The following SMC6 variants were observed in gnomAD, a reference collection of about 807,000 sequenced individuals.
SMC6 encodes the protein structural maintenance of chromosomes protein 6.
SMC6 carries 79 observed loss-of-function variants against 142.2 expected under a neutral mutation model. The observed-to-expected ratio is 0.56, with a 90% CI of 0.46 to 0.67. The LOEUF (loss-of-function observed/expected upper bound fraction) is 0.67, where lower values mean the gene tolerates loss of function less well. SMC6 is among the 30% of genes least tolerant of loss of function. SMC6 has a pLI of 0.00. For missense variants in SMC6, 1,072 were observed against 1,284.0 expected (o/e 0.83, Z 2.52); for synonymous variants, 411 against 412.4 (o/e 1.00, Z 0.04).
chr2:17,680,990 T>A (rs1256968801), intron 24 of SMC6: 1 of 152,240 alleles, frequency 6.6e-6, no homozygotes, highest in African/African-American at 2.4e-5. Context: ...TACAAGGCTG[T>A]TTTGTCTGTG....
At position 17,718,074 on chromosome 2, in the gene SMC6, C is replaced by T. The variant is rs769699136; in HGVS notation, c.1092+3G>A. On this transcript the variant is annotated splice_donor_region_variant and intron_variant, in intron 12 of 27. Transcript: ENST00000448223. Reference sequence around the variant, plus strand: ...AAATTCCAGTTTAGAAAATTTATCTCACCTCAGCTTCATTATAGGCCCTTT... The same window carrying T: ...AAATTCCAGTTTAGAAAATTTATCTTACCTCAGCTTCATTATAGGCCCTTT... 1.3e-6 allele frequency: 2 copies of T among 1,587,910 alleles called. No homozygotes were observed. The highest frequency in any genetic ancestry group is 1.7e-6 in the Non-Finnish European group (2 of 1,168,710).
intron 6 of SMC6, 51 bp downstream of exon 6, chr2:17,731,690 T>C: frequency 6.4e-7 from 1 of 1,557,454 alleles, no homozygotes; most frequent in East Asian, 2.3e-5. Context: ...CTAATTCTTT[T>C]TGAGTATTTC....
intron 19 of SMC6, among the ~76,000 whole-genome samples, chr2:17,702,581 T>C (rs1572291514): frequency 6.6e-6 from 1 of 152,186 alleles, no homozygotes; most frequent in East Asian, 1.9e-4. Flanking sequence ...TTAAATGAAT[T>C]GATATGGTTT....
At chr2:17,721,106 C>T in intron 10 of SMC6, 36 bp downstream of exon 10, 3 of 1,611,380 alleles carry the variant, frequency 1.9e-6, no homozygotes, top group South Asian at 1.1e-5. Flanking sequence ...CTGCATATCA[C>T]ATAGATACGT....
intron 9 of SMC6, 28 bp from the exon 10 acceptor site, chr2:17,721,289 ATTTT>A: frequency 6.5e-7 from 1 of 1,527,430 alleles, no homozygotes; most frequent in Non-Finnish European, 8.8e-7. Context: ...GAACGGACGT[ATTTT>A]TTATTAATGT....
At chr2:17,693,316 G>A (rs1363678256) in intron 23 of SMC6, among the ~76,000 whole-genome samples, 1 of 152,104 alleles carries the variant, frequency 6.6e-6, no homozygotes, top group African/African-American at 2.4e-5. Flanking sequence ...GTCCATCAAT[G>A]ATAGACTGGA....
At chr2:17,709,764 C>A (rs912937008) in intron 16 of SMC6, among the ~76,000 whole-genome samples, 18 of 151,614 alleles carry the variant, frequency 1.2e-4, no homozygotes, top group African/African-American at 4.1e-4. Flanking sequence ...TTTACACACA[C>A]AAAAAAAGAC....
chr2:17,718,514 G>A (rs1669219704), intron 11 of SMC6, among the ~76,000 whole-genome samples: 1 of 152,096 alleles, frequency 6.6e-6, no homozygotes, highest in Admixed American at 6.6e-5. Flanking sequence ...AACACAAACT[G>A]ATGATACATT....
At chr2:17,666,714 G>T (rs1666511658) in intron 26 of SMC6, among the ~76,000 whole-genome samples, 197 bp from the exon 27 acceptor site, 1 of 152,098 alleles carries the variant, frequency 6.6e-6, no homozygotes, top group Non-Finnish European at 1.5e-5. Context: ...TGGGTGCAGT[G>T]GCTCATGTTT....
intron 18 of SMC6, among the ~76,000 whole-genome samples, chr2:17,705,236 C>T (rs1408524881): frequency 1.3e-5 from 2 of 151,012 alleles, no homozygotes; most frequent in South Asian, 2.1e-4. Flanking sequence ...CCAGCCTGAT[C>T]GACAGAGTGA....
In SMC6 at chr2:17,716,896, T is replaced by C; in HGVS notation, c.1191A>G (p.Gln397=). ...RIEELKKSTD[Q]SLEPERLERQ... ...TTTCCAACCGTTCAGGTTCCAAAGA[T>C]TGGTCAGTACTAACAGTAAATAACC... The change falls in exon 14 of 28, where the codon CAA becomes CAG. Residue 397 remains glutamine, a synonymous_variant. Coordinates refer to ENST00000448223, the MANE Select transcript of SMC6 (RefSeq NM_001142286.2). 1.2e-6 allele frequency: 2 copies of C among 1,609,776 alleles called. No homozygotes were observed. The highest frequency in any genetic ancestry group is 1.7e-6 in the Non-Finnish European group (2 of 1,178,874).
intron 23 of SMC6, among the ~76,000 whole-genome samples, chr2:17,685,392 A>C (rs1340384934): frequency 6.6e-6 from 1 of 152,026 alleles, no homozygotes; most frequent in Admixed American, 6.6e-5. Flanking sequence ...GATGCTCATC[A>C]GGAGAAAAAG....
At chr2:17,742,725 C>A (rs567781073) in intron 3 of SMC6, among the ~76,000 whole-genome samples, 2 of 152,238 alleles carry the variant, frequency 1.3e-5, no homozygotes, top group Non-Finnish European at 2.9e-5. Context: ...TCATGGTTGA[C>A]GAATTTTTAA....
chr2:17,709,346 T>C (rs562925825), intron 16 of SMC6, among the ~76,000 whole-genome samples: 4 of 152,184 alleles, frequency 2.6e-5, no homozygotes, highest in African/African-American at 7.2e-5. Context: ...ACAGAGGAAA[T>C]ATGAAAGAAA....
intron 16 of SMC6, among the ~76,000 whole-genome samples, chr2:17,713,213 C>T (rs1277368060): frequency 1.3e-5 from 2 of 152,222 alleles, no homozygotes; most frequent in African/African-American, 4.8e-5. Flanking sequence ...CCTCCACTCA[C>T]ATCTCTAAAG....
chr2:17,672,419 T>A (rs1290260296), intron 25 of SMC6, among the ~76,000 whole-genome samples: 1 of 98 alleles, frequency 0.01, no homozygotes, highest in East Asian at 0.25. Context: ...CTTCTAATAC[T>A]TTTTTTTCTC....
chr2:17,724,255 C>T (rs541727744), intron 9 of SMC6, among the ~76,000 whole-genome samples: 1 of 152,174 alleles, frequency 6.6e-6, no homozygotes, highest in South Asian at 2.1e-4. Flanking sequence ...TAAACACCAC[C>T]ACATAACCCA....
chr2:17,736,005 A>G lies in SMC6; in HGVS notation c.344+2216T>C, dbSNP rs567134885. ...TCTTCAGGCAAAGTGAGACTCCTTC[A>G]TAGACTTTAGATGTGCAATAGAGTA... On this transcript the variant is annotated intron_variant, in intron 5 of 27. Transcript: ENST00000448223. Among the ~76,000 whole-genome samples, 3 of 152,360 alleles carry G rather than the reference A, an allele frequency of 2.0e-5. No homozygotes were observed. In the East Asian group the frequency reaches 5.8e-4, roughly 29 times the overall value.
Position 17,700,279 on chromosome 2 carries a change from C to T in SMC6, c.2323G>A (p.Glu775Lys), listed in dbSNP as rs559954325. 6.2e-7 allele frequency: 1 copy of T among 1,611,162 alleles called. No individual in the cohort carries two copies. Among genetic ancestry groups the T allele is most frequent in the South Asian group, 1.1e-5 (1 of 90,766 alleles). Reference sequence around the variant, plus strand: ...ATTGCATCATACTTATTTTCTGCTTCTATTTTCAGACTTTTAAGATGCTCC... The same window carrying T: ...ATTGCATCATACTTATTTTCTGCTTTTATTTTCAGACTTTTAAGATGCTCC... ...NMEHLKSLKI[E>K]AENKYDAIKF... Residue 775 changes from glutamate (E) to lysine (K), a missense_variant, in exon 21 of 28, where the codon GAA becomes AAA. Glu to Lys is a moderately conservative substitution (Grantham distance 56). This residue lies in a region of SMC6 where 994 missense variants were observed against 1,153.2 expected (regional missense o/e 0.86). Transcript: ENST00000448223.
Sources: allele counts gnomAD v4.1 joint callset (sites outside exome capture counted in the v4.1 genomes callset), GRCh38; gene constraint gnomAD v4.1.1; regional missense constraint gnomAD v4.1.1; transcripts MANE v1.5; gene names NCBI Gene and HGNC (gene_info 2026-07-23, HGNC 2026-07-21).